ABCC11: variants seen among roughly 807,000 people sequenced by gnomAD.
ABCC11 encodes ATP binding cassette subfamily C member 11, also known as ATP-binding cassette sub-family C member 11.
A neutral mutation model predicts 149.3 loss-of-function variants in ABCC11; 135 were observed. The ratio of observed to expected loss-of-function variants is 0.90; its 90% CI spans 0.79 to 1.04. ABCC11 has a LOEUF of 1.04. Among genes scored for constraint, ABCC11 ranks in the 50% least tolerant of loss-of-function variants. The pLI is 0.00. For missense variants in ABCC11, 1,680 were observed against 1,722.1 expected (o/e 0.98, Z 0.43); for synonymous variants, 665 against 671.4 (o/e 0.99, Z 0.15).
rs749553070 is a variant in ABCC11, at chr16:48,175,321, T to C, written c.3635A>G (p.Glu1212Gly). The change falls in exon 26 of 30, where the codon GAG (glutamate) becomes GGG (glycine). Residue 1212 changes from glutamate (E) to glycine (G), a missense_variant. Transcript: ENST00000356608. ...DGVDICSIGL[E>G]DLRSKLSVIP... ...CACTGAGAGCTTGGACCGCAAGTCCTCCAGGCCGATGCTGCAAATGTCCAC... is the reference window on the plus strand; with the variant it reads ...CACTGAGAGCTTGGACCGCAAGTCCCCCAGGCCGATGCTGCAAATGTCCAC... The C allele has an allele frequency of 1.2e-6, 2 of 1,614,122 alleles. No homozygotes were observed. The highest frequency in any genetic ancestry group is 1.1e-5 in the South Asian group (1 of 91,082).
intron 12 of ABCC11, among the ~76,000 whole-genome samples, chr16:48,207,644 A>T (rs1968554772): frequency 6.6e-6 from 1 of 151,466 alleles, no homozygotes; most frequent in African/African-American, 2.4e-5. Flanking sequence ...TCCTGACTGG[A>T]TGTGTCAAAA....
At chr16:48,205,062 G>C (rs1968311243) in intron 13 of ABCC11, among the ~76,000 whole-genome samples, 2 of 152,144 alleles carry the variant, frequency 1.3e-5, no homozygotes, top group African/African-American at 4.8e-5. Flanking sequence ...GAATACAAAT[G>C]AAGTTCAAAT....
In ABCC11 at chr16:48,167,666, G is replaced by T; in HGVS notation, c.3892-6C>A. The T allele has an allele frequency of 6.2e-7, 1 of 1,614,030 alleles. No individual in the cohort carries two copies. Among genetic ancestry groups the T allele is most frequent in the South Asian group, 1.1e-5 (1 of 91,072 alleles). On this transcript the variant is annotated splice_region_variant and splice_polypyrimidine_tract_variant and intron_variant, in intron 28 of 29. Transcript: ENST00000356608. ...GCTTCATCGATAAGGATGATCTGAT[G>T]AATACAAAACAGGGGTGAAGGTGTC...
In ABCC11 at chr16:48,177,123, G is replaced by A. The variant is rs1356472669; in HGVS notation, c.3349-10C>T. On this transcript the variant is annotated splice_polypyrimidine_tract_variant and intron_variant, in intron 24 of 29. Transcript: ENST00000356608. ...CTTCCGAGACACACATCTTGTTTTT[G>A]AAGAAAGAAAAAGAAATCAATAGTT... 6.2e-7 allele frequency: 1 copy of A among 1,608,138 alleles called. No homozygotes were observed. The highest frequency in any genetic ancestry group is 8.5e-7 in the Non-Finnish European group (1 of 1,177,564).
In ABCC11 at chr16:48,215,047, A is replaced by C. The variant is rs1969227732; in HGVS notation, c.1100-18T>G. On this transcript the variant is annotated intron_variant, in intron 8 of 29. Transcript: ENST00000356608. ...TCTTAGGTCTGGGAAATAAAAAAGA[A>C]ATACACCAAAGATAACCACAAGAAC... The C allele has an allele frequency of 6.2e-7, 1 of 1,612,498 alleles. No individual in the cohort carries two copies. The highest frequency in any genetic ancestry group is 1.3e-5 in the African/African-American group (1 of 74,790).
chr16:48,192,384 C>T, intron 20 of ABCC11, 136 bp downstream of exon 20: 1 of 958,174 alleles, frequency 1.0e-6, no homozygotes, highest in Non-Finnish European at 1.5e-6. Flanking sequence ...GTGGAGGTTG[C>T]CATGAGTGGA....
At chr16:48,226,678 A>G (rs550919923) in intron 4 of ABCC11, among the ~76,000 whole-genome samples, 1 of 152,324 alleles carries the variant, frequency 6.6e-6, no homozygotes, top group South Asian at 2.1e-4. Flanking sequence ...CATTATCCAA[A>G]AAGTATTTCC....
chr16:48,246,155 A>T (rs921846471), intron 1 of ABCC11, among the ~76,000 whole-genome samples: 1 of 152,150 alleles, frequency 6.6e-6, no homozygotes, highest in Non-Finnish European at 1.5e-5. Flanking sequence ...ACAAAGACCA[A>T]CAAACCTTCC....
intron 26 of ABCC11, 107 bp from the exon 27 acceptor site, chr16:48,171,074 T>G: frequency 1.0e-6 from 1 of 995,554 alleles, no homozygotes. Context: ...GATTATGGGG[T>G]TTAGGGAAAT....
At chr16:48,233,040 A>C (rs1970508385) in intron 1 of ABCC11, among the ~76,000 whole-genome samples, 1 of 151,952 alleles carries the variant, frequency 6.6e-6, no homozygotes, top group Non-Finnish European at 1.5e-5. Context: ...TCTCTACCAA[A>C]AATATAAAAA....
At chr16:48,176,432 AGAG>A (rs1966076566) in intron 25 of ABCC11, among the ~76,000 whole-genome samples, 2 of 152,076 alleles carry the variant, frequency 1.3e-5, no homozygotes, top group South Asian at 2.1e-4. Flanking sequence ...GGGAGAGGAA[AGAG>A]GAGGAGACAG....
chr16:48,233,638 C>T (rs552785258), intron 1 of ABCC11, among the ~76,000 whole-genome samples: 1 of 152,278 alleles, frequency 6.6e-6, no homozygotes, highest in Non-Finnish European at 1.5e-5. Context: ...GATGGGGCCA[C>T]GGTATATTGC....
In ABCC11 at chr16:48,184,501, G is replaced by A. The variant is rs1379084469; in HGVS notation, c.3197C>T (p.Ala1066Val). The A allele has an allele frequency of 6.2e-7, 1 of 1,614,236 alleles. No individual in the cohort carries two copies. Among genetic ancestry groups the A allele is most frequent in the East Asian group, 2.2e-5 (1 of 44,888 alleles). Residue 1066 changes from alanine to valine, a missense_variant, in exon 23 of 30, where the codon GCT (alanine) becomes GTT (valine). Ala to Val is a moderately conservative substitution (Grantham distance 64, BLOSUM62 0). Coordinates refer to ENST00000356608, the MANE Select transcript of ABCC11 (RefSeq NM_001370497.1). ...LVTLAVALFV[A>V]FGISSTPYSF... ...GTAGGGGGTGGAGGAAATGCCAAAA[G>A]CCACGAACAGGGCAACAGCCAAGGT...
chr16:48,247,217 T>TAAAGAAA (rs59629348), intron 1 of ABCC11, 97 bp downstream of exon 1: 237 of 141,104 alleles, frequency 1.7e-3, no homozygotes, highest in African/African-American at 6.0e-3. Context: ...ACACTCTACT[T>TAAAGAAA]AAAAAAAAAA....
At chr16:48,186,835 G>A (rs890369427) in intron 22 of ABCC11, 118 bp downstream of exon 22, 14 of 1,302,546 alleles carry the variant, frequency 1.1e-5, no homozygotes, top group South Asian at 1.4e-5. Flanking sequence ...TACGTCCATC[G>A]AACAATGTGC....
chr16:48,177,888 C>T (rs1442353455), intron 24 of ABCC11, among the ~76,000 whole-genome samples: 1 of 152,242 alleles, frequency 6.6e-6, no homozygotes, highest in Non-Finnish European at 1.5e-5. Flanking sequence ...AGCAAAAGTT[C>T]TGCCTGGCCC....
Position 48,167,367 on chromosome 16 carries a change from C to T in ABCC11, c.4057-1G>A, listed in dbSNP as rs550906919. ...CCTCCGGCCGATCAAATTCTACCAC[C>T]TGGAGGGTAGAGAAAGGCGAGGGGA... is the stretch of plus-strand genomic sequence containing the variant. On this transcript the variant is annotated splice_acceptor_variant, in intron 29 of 29. Coordinates refer to ENST00000356608, the MANE Select transcript of ABCC11 (RefSeq NM_001370497.1). LOFTEE classifies it high-confidence loss of function. 23 of 1,383,328 alleles carry T rather than the reference C, an allele frequency of 1.7e-5. No individual in the cohort carries two copies. The South Asian group carries it at 2.5e-4, about 15-fold the overall frequency. The allele number at this position is 1,383,328 out of a possible 1,614,324, so 85.7% of individuals were successfully genotyped here.
rs775080991 is a variant in ABCC11, at chr16:48,205,506, T to C, written c.1712A>G (p.Gln571Arg). The C allele has an allele frequency of 9.3e-6, 15 of 1,614,038 alleles. No individual in the cohort carries two copies. The highest frequency in any genetic ancestry group is 1.2e-5 in the Non-Finnish European group (14 of 1,180,016). ...MHLLEGSVGVQGSLAYVPQQA... is the reference protein window; with the variant it reads ...MHLLEGSVGVRGSLAYVPQQA... ...CTGGGGGACATAGGCCAGGCTTCCC[T>C]GCACCCCCACCGAGCCCTCGAGCAA... Residue 571 changes from glutamine to arginine, a missense_variant, in exon 13 of 30, where the codon CAG becomes CGG. Coordinates refer to ENST00000356608, the MANE Select transcript of ABCC11 (RefSeq NM_001370497.1).
chr16:48,232,991 G>A (rs2150924198), intron 1 of ABCC11, among the ~76,000 whole-genome samples: 2 of 152,252 alleles, frequency 1.3e-5, no homozygotes, highest in South Asian at 4.1e-4. Flanking sequence ...CTTGAGCTCA[G>A]GAGTTTGAGA....
Sources: gnomAD v4.1 joint callset for allele counts (sites outside exome capture counted in the v4.1 genomes callset) on GRCh38, gnomAD v4.1.1 for gene constraint, MANE v1.5 for transcripts, NCBI Gene and HGNC (gene_info 2026-07-23, HGNC 2026-07-21) for gene names.